ZCCHC17: variants seen among roughly 807,000 people sequenced by gnomAD.
The protein encoded by ZCCHC17 is zinc finger CCHC domain-containing protein 17.
Under a neutral mutation model 30.6 loss-of-function variants are expected in ZCCHC17, and 18 were observed. The observed-to-expected ratio is 0.59, with a 90% CI of 0.41 to 0.87. ZCCHC17 has a LOEUF of 0.87. ZCCHC17 is among the 40% of genes least tolerant of loss of function. ZCCHC17 has a pLI of 0.00. For missense variants in ZCCHC17, 263 were observed against 284.2 expected, an observed-to-expected ratio of 0.93 and a Z score of 0.54; for synonymous variants, 88 against 92.4, an observed-to-expected ratio of 0.95 and a Z score of 0.27.
chr1:31,328,774 A>G (rs908442407), intron 3 of ZCCHC17, among the ~76,000 whole-genome samples: 3 of 152,090 alleles, frequency 2.0e-5, no homozygotes, highest in African/African-American at 4.8e-5. Context: ...CCCAGAAACT[A>G]CAAATCTCAT....
At chr1:31,305,603 T>C (rs1465987964) in intron 1 of ZCCHC17, among the ~76,000 whole-genome samples, 1 of 151,948 alleles carries the variant, frequency 6.6e-6, no homozygotes, top group African/African-American at 2.4e-5. Flanking sequence ...TTTTCTTTTC[T>C]TTTTTTTAAA....
At chr1:31,343,511 A>T (rs1294763025) in intron 5 of ZCCHC17, among the ~76,000 whole-genome samples, 1 of 152,144 alleles carries the variant, frequency 6.6e-6, no homozygotes, top group East Asian at 1.9e-4. Context: ...TTCATTTTCC[A>T]TAAAAATCTA....
chr1:31,297,365 G>A (rs1646189589), intron 1 of ZCCHC17, among the ~76,000 whole-genome samples: 1 of 152,222 alleles, frequency 6.6e-6, no homozygotes, highest in African/African-American at 2.4e-5. Flanking sequence ...CTGCGTCCCA[G>A]CCTCCTCCGG....
chr1:31,346,143 G>A (rs1413268627), intron 5 of ZCCHC17, among the ~76,000 whole-genome samples: 1 of 152,076 alleles, frequency 6.6e-6, no homozygotes, highest in Non-Finnish European at 1.5e-5. Flanking sequence ...AGAGTCAAGT[G>A]GGGAAACAGA....
intron 1 of ZCCHC17, among the ~76,000 whole-genome samples, chr1:31,299,468 CTAAA>C (rs1251225856): frequency 6.6e-6 from 1 of 152,174 alleles, no homozygotes; most frequent in Non-Finnish European, 1.5e-5. Flanking sequence ...ATCTGGAAAA[CTAAA>C]AACCATTTTC....
intron 1 of ZCCHC17, among the ~76,000 whole-genome samples, chr1:31,297,916 A>G (rs898838774): frequency 7.2e-5 from 11 of 152,248 alleles, no homozygotes; most frequent in African/African-American, 2.2e-4. Flanking sequence ...TGAAGGGAGT[A>G]TGGTACAAGA....
intron 5 of ZCCHC17, among the ~76,000 whole-genome samples, chr1:31,344,725 C>T (rs935098941): frequency 1.3e-5 from 2 of 152,174 alleles, no homozygotes; most frequent in Admixed American, 6.6e-5. Context: ...AATTGATTGT[C>T]ATGGGGGTTG....
intron 7 of ZCCHC17, among the ~76,000 whole-genome samples, chr1:31,359,663 T>G (rs1215719308): frequency 6.6e-6 from 1 of 152,210 alleles, no homozygotes; most frequent in Non-Finnish European, 1.5e-5. Flanking sequence ...AGAACTATAG[T>G]GAAAATGGGT....
intron 7 of ZCCHC17, among the ~76,000 whole-genome samples, chr1:31,362,107 G>A (rs1453875989): frequency 6.6e-6 from 1 of 152,190 alleles, no homozygotes. Flanking sequence ...ACCGCGCCCA[G>A]CCAGTAGATG....
chr1:31,319,261 T>A, intron 3 of ZCCHC17, 95 bp downstream of exon 3: 1 of 1,022,086 alleles, frequency 9.8e-7, no homozygotes, highest in Non-Finnish European at 1.5e-6. Flanking sequence ...TTTCAGACAG[T>A]AGTTTTTCAT....
chr1:31,304,930 T>A (rs867121453), intron 1 of ZCCHC17, among the ~76,000 whole-genome samples: 1 of 152,164 alleles, frequency 6.6e-6, no homozygotes. Context: ...TCTTTTTTTT[T>A]CCAAGTGAAA....
chr1:31,339,391 C>T (rs546399810), intron 5 of ZCCHC17, among the ~76,000 whole-genome samples: 3 of 152,256 alleles, frequency 2.0e-5, no homozygotes, highest in African/African-American at 7.2e-5. Context: ...CTAGTCCCAG[C>T]TACTCGGGAG....
chr1:31,319,142 A>G lies in ZCCHC17; in HGVS notation c.100A>G (p.Lys34Glu), dbSNP rs1343696996. ...AMVTDYGAFI[K>E]IPGCRKQGLV... ...GGTGACAGACTATGGGGCCTTTATC[A>G]AAATCCCAGGCTGTCGGAAGCAAGG... Residue 34 changes from lysine (K) to glutamate (E), a missense_variant, in exon 3 of 8, where the codon AAA (lysine) becomes GAA (glutamate). By Grantham distance (56) the Lys-to-Glu change is moderately conservative. Coordinates refer to ENST00000344147, the MANE Select transcript of ZCCHC17 (RefSeq NM_016505.4). 6.8e-6 allele frequency: 11 copies of G among 1,610,206 alleles called. No individual in the cohort carries two copies. The highest frequency in any genetic ancestry group is 8.5e-7 in the Non-Finnish European group (1 of 1,177,258).
intron 2 of ZCCHC17, among the ~76,000 whole-genome samples, chr1:31,315,105 C>T (rs1646700816): frequency 6.6e-6 from 1 of 152,174 alleles, no homozygotes; most frequent in Non-Finnish European, 1.5e-5. Flanking sequence ...ATGTGTCTCT[C>T]TCCACTACTA....
chr1:31,363,366 G>A (rs910040597), intron 7 of ZCCHC17, among the ~76,000 whole-genome samples: 1 of 152,066 alleles, frequency 6.6e-6, no homozygotes, highest in Non-Finnish European at 1.5e-5. Context: ...TGTATTTTTA[G>A]TAGAGACGGG....
chr1:31,335,761 T>G (rs1164550310), intron 3 of ZCCHC17, among the ~76,000 whole-genome samples: 1 of 152,256 alleles, frequency 6.6e-6, no homozygotes, highest in Non-Finnish European at 1.5e-5. Flanking sequence ...AAAAGTTTAT[T>G]CTAGCCTTAG....
intron 3 of ZCCHC17, among the ~76,000 whole-genome samples, chr1:31,330,679 G>T (rs1180231411): frequency 1.3e-5 from 2 of 152,082 alleles, no homozygotes; most frequent in African/African-American, 2.4e-5. Flanking sequence ...TATTTGAATT[G>T]CACTTCTGTT....
intron 2 of ZCCHC17, among the ~76,000 whole-genome samples, chr1:31,311,690 G>A (rs895991926): frequency 2.0e-5 from 3 of 152,120 alleles, no homozygotes; most frequent in Non-Finnish European, 1.5e-5. Context: ...TCACCCTTTC[G>A]AGCCCTTTTA....
At chr1:31,354,911 A>G (rs1348971151) in intron 7 of ZCCHC17, among the ~76,000 whole-genome samples, 1 of 152,186 alleles carries the variant, frequency 6.6e-6, no homozygotes, top group East Asian at 1.9e-4. Flanking sequence ...ACGGTGGCTC[A>G]TGCCTGTAAT....
Sources: gnomAD v4.1 joint callset for allele counts (sites outside exome capture counted in the v4.1 genomes callset) on GRCh38, gnomAD v4.1.1 for gene constraint, MANE v1.5 for transcripts, NCBI Gene and HGNC (gene_info 2026-07-23, HGNC 2026-07-21) for gene names.